The following SCARB2 variants were observed in gnomAD, a reference collection of about 807,000 sequenced individuals.
The protein encoded by SCARB2 is lysosome membrane protein 2.
In SCARB2, 29 loss-of-function variants were observed where a neutral mutation model predicts 58.6. The observed-to-expected ratio is 0.49, with a 90% CI of 0.37 to 0.67. SCARB2 has a LOEUF of 0.67. Among genes scored for constraint, SCARB2 ranks in the 30% least tolerant of loss-of-function variants. The probability of loss-of-function intolerance (pLI) is 0.00; values close to 1 mark genes in which losing one functional copy is unlikely to be tolerated. For missense variants in SCARB2, 488 were observed against 578.5 expected, an observed-to-expected ratio of 0.84 and a Z score of 1.60; for synonymous variants, 195 against 210.1, an observed-to-expected ratio of 0.93 and a Z score of 0.62.
chr4:76,172,074 TTA>T (rs1378086355), intron 7 of SCARB2, among the ~76,000 whole-genome samples: 1 of 148,608 alleles, frequency 6.7e-6, no homozygotes, highest in African/African-American at 2.4e-5. Context: ...ATATGCATAT[TTA>T]TATATAACTA....
chr4:76,188,402 C>G (rs1440342217), intron 2 of SCARB2, among the ~76,000 whole-genome samples: 1 of 152,206 alleles, frequency 6.6e-6, no homozygotes, highest in African/African-American at 2.4e-5. Flanking sequence ...GAATGCCCAT[C>G]ATCTTTTTCC....
upstream of SCARB2, among the ~76,000 whole-genome samples, chr4:76,216,036 C>G (rs1241377128): frequency 6.6e-6 from 1 of 152,166 alleles, no homozygotes; most frequent in African/African-American, 2.4e-5. Flanking sequence ...GAGGACCAGT[C>G]CTGTGTTCAA....
rs144340640 is a variant in SCARB2, at chr4:76,197,767, C to T, written c.118-1903G>A. On this transcript the variant is annotated intron_variant, in intron 1 of 11. Transcript: ENST00000264896. ...AAACCAAAATGTGAACTTTGAGTGT[C>T]GAGAATTTGTATCAGTTATAATTCA... Among the ~76,000 whole-genome samples, 431 of 152,174 alleles carry T rather than the reference C, an allele frequency of 2.8e-3. 3 individuals are homozygous for T. Among genetic ancestry groups the T allele is most frequent in the East Asian group, 0.014 (75 of 5,178 alleles).
intron 2 of SCARB2, among the ~76,000 whole-genome samples, chr4:76,181,935 GA>G (rs1170107304): frequency 1.3e-5 from 2 of 152,262 alleles, no homozygotes; most frequent in East Asian, 3.9e-4. Flanking sequence ...AAAGTTCTTA[GA>G]AAGCGCCTGG....
intron 1 of SCARB2, among the ~76,000 whole-genome samples, chr4:76,199,243 C>G (rs1732779839): frequency 1.3e-5 from 2 of 152,208 alleles, no homozygotes; most frequent in African/African-American, 2.4e-5. Context: ...GATTTACTCA[C>G]CCATCCAGCA....
At chr4:76,180,916 C>G in intron 3 of SCARB2, 38 bp downstream of exon 3, 11 of 1,580,082 alleles carry the variant, frequency 7.0e-6, no homozygotes, top group Non-Finnish European at 9.5e-6. Flanking sequence ...TTCCTTTCTT[C>G]CAAAATCCAA....
chr4:76,170,492 CTTT>C (rs1349796962), intron 7 of SCARB2, among the ~76,000 whole-genome samples: 3 of 152,096 alleles, frequency 2.0e-5, no homozygotes, highest in Non-Finnish European at 4.4e-5. Context: ...AGTGGACTGA[CTTT>C]TTATTTCTTG....
chr4:76,202,088 C>A (rs1362743470), intron 1 of SCARB2, among the ~76,000 whole-genome samples: 3 of 152,050 alleles, frequency 2.0e-5, no homozygotes, highest in Non-Finnish European at 4.4e-5. Flanking sequence ...GGGAAAAATA[C>A]CTAGATATTA....
At position 76,159,822 on chromosome 4, in the gene SCARB2, C is replaced by T. The variant is rs1425370412; in HGVS notation, c.*1891G>A. 2 of 152,160 alleles carry T rather than the reference C, an allele frequency of 1.3e-5. No homozygotes were observed. Among genetic ancestry groups the T allele is most frequent in the African/African-American group, 4.8e-5 (2 of 41,428 alleles). The allele number at this position is 152,160 out of a possible 1,614,324, so 9.4% of individuals were successfully genotyped here. A position where few individuals can be genotyped will look rare whatever the true frequency, so the allele number is the denominator to read the frequency against. ...GTATATCATTAACTGTTATCATTTA[C>T]AGTATTTAAAATATCCTCCTCACAG... On this transcript the variant is annotated 3_prime_UTR_variant, in exon 12 of 12. Coordinates refer to ENST00000264896, the MANE Select transcript of SCARB2 (RefSeq NM_005506.4).
intron 2 of SCARB2, among the ~76,000 whole-genome samples, chr4:76,191,341 A>T (rs1297700760): frequency 6.6e-6 from 1 of 152,238 alleles, no homozygotes; most frequent in Non-Finnish European, 1.5e-5. Flanking sequence ...GACCAATAAT[A>T]TAGTTTTGGT....
chr4:76,233,081 T>C (rs1055537173), intron 1 of SCARB2, among the ~76,000 whole-genome samples: 1 of 151,558 alleles, frequency 6.6e-6, no homozygotes, highest in African/African-American at 2.4e-5. Context: ...TTATAACCTT[T>C]TACTAAAAAA....
intron 8 of SCARB2, among the ~76,000 whole-genome samples, chr4:76,169,540 T>C (rs1732085485): frequency 1.3e-5 from 2 of 152,054 alleles, no homozygotes; most frequent in Admixed American, 6.6e-5. Context: ...AGGGGAGAAA[T>C]AAATATATGT....
Position 76,181,099 on chromosome 4 carries a change from T to C in SCARB2, c.278A>G (p.Glu93Gly). ...TTGAATATTTGCTTTGTTTCTGAGTTCCCTAAAAGAAAGAAAAGGGTTTTA... is the reference window on the plus strand; with the variant it reads ...TTGAATATTTGCTTTGTTTCTGAGTCCCCTAAAAGAAAGAAAAGGGTTTTA... The part of the protein sequence containing the change: ...VEEVGPYTYR[E>G]LRNKANIQFG... Residue 93 changes from glutamate to glycine, a missense_variant and splice_region_variant, in exon 3 of 12, where the codon GAA (glutamate) becomes GGA (glycine). Coordinates refer to ENST00000264896, the MANE Select transcript of SCARB2 (RefSeq NM_005506.4). 2 of 1,613,470 alleles carry C rather than the reference T, an allele frequency of 1.2e-6. No homozygotes were observed. The highest frequency in any genetic ancestry group is 1.7e-6 in the Non-Finnish European group (2 of 1,179,776).
chr4:76,195,383 A>T, intron 2 of SCARB2: 1 of 214,882 alleles, frequency 4.7e-6, no homozygotes, highest in Non-Finnish European at 9.4e-6. Flanking sequence ...ATAAAATAAA[A>T]TAAAATAAGA....
Position 76,213,241 on chromosome 4 carries a change from C to G in SCARB2, c.117+186G>C, listed in dbSNP as rs1156454603. On this transcript the variant is annotated intron_variant, in intron 1 of 11. Transcript: ENST00000264896. Reference sequence around the variant, plus strand: ...CTTATCACTGTAAAGGGAACAGAGTCGGCTCCATCCTTCCTCATCCTTCTT... The same window carrying G: ...CTTATCACTGTAAAGGGAACAGAGTGGGCTCCATCCTTCCTCATCCTTCTT... 5 of 651,388 alleles carry G rather than the reference C, an allele frequency of 7.7e-6. No homozygotes were observed. In the East Asian group the frequency reaches 1.4e-4, roughly 18 times the overall value. The allele number at this position is 651,388 out of a possible 1,614,324, so 40.4% of individuals were successfully genotyped here. A position where few individuals can be genotyped will look rare whatever the true frequency, so the allele number is the denominator to read the frequency against.
chr4:76,164,361 A>T (rs1436866884), intron 10 of SCARB2: 1 of 152,332 alleles, frequency 6.6e-6, no homozygotes, highest in African/African-American at 2.4e-5. Flanking sequence ...TACAAAAATT[A>T]GCTGGGGCTG....
At chr4:76,222,111 C>T (rs114096978) in intron 1 of SCARB2, among the ~76,000 whole-genome samples, 2,567 of 152,316 alleles carry the variant, frequency 0.017, 32 homozygotes, top group Non-Finnish European at 0.026. Flanking sequence ...CAGGCCCAAT[C>T]CTTTATCTGA....
At chr4:76,164,952 A>G (rs1441646451) in intron 10 of SCARB2, 1 of 152,006 alleles carries the variant, frequency 6.6e-6, no homozygotes, top group East Asian at 1.9e-4. Flanking sequence ...TCCAGGTCTA[A>G]TATTTTATTT....
intron 2 of SCARB2, among the ~76,000 whole-genome samples, chr4:76,189,995 T>C (rs2109956268): frequency 6.6e-6 from 1 of 150,616 alleles, no homozygotes; most frequent in Middle Eastern, 3.4e-3. Flanking sequence ...TGCTATAAAG[T>C]GGTATACTTG....
Sources: allele counts gnomAD v4.1 joint callset (sites outside exome capture counted in the v4.1 genomes callset), GRCh38; gene constraint gnomAD v4.1.1; transcripts MANE v1.5; gene names NCBI Gene and HGNC (gene_info 2026-07-23, HGNC 2026-07-21).